RMDN1: variants seen among roughly 807,000 people sequenced by gnomAD.
The protein encoded by RMDN1 is regulator of microtubule dynamics protein 1.
In RMDN1, 48 loss-of-function variants were observed where a neutral mutation model predicts 48.9. That is an observed-to-expected ratio of 0.98 (90% confidence interval 0.78 to 1.25). The LOEUF (loss-of-function observed/expected upper bound fraction) is 1.25. Among genes scored for constraint, RMDN1 ranks in the 50% most tolerant of loss-of-function variants. The pLI is 0.00. For synonymous variants in RMDN1, 148 were observed against 132.6 expected, an observed-to-expected ratio of 1.12 and a Z score of -0.80; for missense variants, 418 against 373.4, an observed-to-expected ratio of 1.12 and a Z score of -0.98.
intron 5 of RMDN1, among the ~76,000 whole-genome samples, chr8:86,483,308 AT>A (rs1159022599): frequency 6.6e-6 from 1 of 152,192 alleles, no homozygotes; most frequent in Non-Finnish European, 1.5e-5. Context: ...GAAAGTATAC[AT>A]TTGTGTATTT....
intron 7 of RMDN1, 158 bp downstream of exon 7, chr8:86,478,765 G>C (rs1257695956): frequency 2.7e-5 from 18 of 673,042 alleles, no homozygotes; most frequent in Admixed American, 2.1e-4. Context: ...ACCAGTCAAG[G>C]ATAATAAGTG....
At chr8:86,504,055 C>G (rs1265589942) in intron 2 of RMDN1, 8 of 842,756 alleles carry the variant, frequency 9.5e-6, no homozygotes, top group Non-Finnish European at 1.5e-5. Flanking sequence ...TCTCAACCAG[C>G]TGGGCATCAT....
At position 86,507,069 on chromosome 8, in the gene RMDN1, G is replaced by C. The variant is rs371190357; in HGVS notation, c.173C>G (p.Ser58Ter). ...TTCAAAACCCAAATACGACAAAGCT[G>C]AGAGTAAAAGGCCTCTTTTGAAAGT... is the stretch of plus-strand genomic sequence containing the variant. ...PGTFKRGLLLSALSYLGFETY... is the reference protein window; with the variant it reads ...PGTFKRGLLL Residue 58 changes from serine (S) to a stop codon, truncating the protein, a stop_gained, in exon 2 of 10, where the codon TCA becomes TGA. Coordinates refer to ENST00000406452, the MANE Select transcript of RMDN1 (RefSeq NM_016033.3). LOFTEE classifies it high-confidence loss of function. 3.8e-5 allele frequency: 61 copies of C among 1,612,856 alleles called. No individual in the cohort carries two copies. The highest frequency in any genetic ancestry group is 5.0e-5 in the Non-Finnish European group (59 of 1,178,954).
At chr8:86,513,545 G>A (rs375623702), upstream of RMDN1, among the ~76,000 whole-genome samples, 2 of 152,320 alleles carry the variant, frequency 1.3e-5, no homozygotes, top group South Asian at 4.1e-4. Flanking sequence ...TTGTTTAGCT[G>A]CAGGCAGCAT....
intron 2 of RMDN1, among the ~76,000 whole-genome samples, chr8:86,491,376 T>A (rs1192820889): frequency 6.6e-6 from 1 of 152,102 alleles, no homozygotes; most frequent in Non-Finnish European, 1.5e-5. Context: ...CCTCGTGGTC[T>A]GCACTGCAAA....
intron 2 of RMDN1, among the ~76,000 whole-genome samples, chr8:86,505,730 G>T (rs1467508437): frequency 6.6e-6 from 1 of 152,178 alleles, no homozygotes; most frequent in African/African-American, 2.4e-5. Flanking sequence ...AGGTTATACA[G>T]TAGAAGATTT....
At chr8:86,504,994 A>C in intron 2 of RMDN1, 1 of 1,467,118 alleles carries the variant, frequency 6.8e-7, no homozygotes, top group Non-Finnish European at 9.4e-7. Flanking sequence ...CATGGTGCAG[A>C]TAGATCTGGG....
downstream of RMDN1, chr8:86,470,390 G>T (rs1352911489): frequency 7.8e-7 from 1 of 1,285,462 alleles, no homozygotes; most frequent in East Asian, 5.6e-5. Flanking sequence ...GGACCAATGT[G>T]ACACGTGGGG....
At position 86,474,920 on chromosome 8, in the gene RMDN1, A is replaced by C; in HGVS notation, c.794T>G (p.Leu265Arg). Residue 265 changes from leucine to arginine, a missense_variant, in exon 9 of 10, where the codon CTT becomes CGT. By Grantham distance (102) the Leu-to-Arg change is moderately radical. Transcript: ENST00000406452. ...DPNFYSKNLLLLGKTYLKLHN... is the reference protein window; with the variant it reads ...DPNFYSKNLLRLGKTYLKLHN... ...TAGTTTCAAGTATGTCTTTCCTAAA[A>C]GAAGTAAGTTTTTGCTGTAGAAGTT... The C allele has an allele frequency of 6.2e-7, 1 of 1,611,022 alleles. No homozygotes were observed. The highest frequency in any genetic ancestry group is 2.2e-5 in the East Asian group (1 of 44,774).
At chr8:86,496,215 C>T (rs1002774463) in intron 2 of RMDN1, among the ~76,000 whole-genome samples, 7 of 152,266 alleles carry the variant, frequency 4.6e-5, no homozygotes, top group South Asian at 4.1e-4. Flanking sequence ...AAGTTCATAG[C>T]GACACTGTAA....
At chr8:86,494,365 G>A (rs1490784190) in intron 2 of RMDN1, among the ~76,000 whole-genome samples, 2 of 152,058 alleles carry the variant, frequency 1.3e-5, no homozygotes, top group South Asian at 4.2e-4. Context: ...AGACCAGCCT[G>A]GCCAACATGG....
chr8:86,474,792 C>T, intron 9 of RMDN1, 28 bp downstream of exon 9: 1 of 1,593,868 alleles, frequency 6.3e-7, no homozygotes. Context: ...CAAAACCTTT[C>T]TGCCTTACTT....
chr8:86,503,394 A>ACAAAACAAAACAAAAC lies in RMDN1; in HGVS notation c.247+3600_247+3601insGTTTTGTTTTGTTTTG, dbSNP rs368931753. 3.1e-4 allele frequency among the ~76,000 whole-genome samples: 41 copies of ACAAAACAAAACAAAAC among 131,592 alleles called. 2 individuals are homozygous for ACAAAACAAAACAAAAC. Among genetic ancestry groups the ACAAAACAAAACAAAAC allele is most frequent in the Non-Finnish European group, 4.6e-4 (29 of 62,470 alleles). The allele number at this position is 131,592 out of a possible 152,430, so 86.3% of individuals were successfully genotyped here. A position where few individuals can be genotyped will look rare whatever the true frequency, so the allele number is the denominator to read the frequency against. On this transcript the variant is annotated intron_variant, in intron 2 of 9. Coordinates refer to ENST00000406452, the MANE Select transcript of RMDN1 (RefSeq NM_016033.3). ...AACAAAAAAAAAAAAAAAAAACAAA[A>ACAAAACAAAACAAAAC]AAAAATAACAAAAATAACTTGAGAG... is the stretch of plus-strand genomic sequence containing the variant.
intron 5 of RMDN1, 68 bp downstream of exon 5, chr8:86,484,804 T>C (rs1462142546): frequency 9.9e-7 from 1 of 1,005,476 alleles, no homozygotes; most frequent in African/African-American, 1.6e-5. Context: ...CAATAGATAA[T>C]GAAAACAAAA....
chr8:86,482,377 G>A (rs1814646032), intron 5 of RMDN1: 1 of 386,734 alleles, frequency 2.6e-6, no homozygotes, highest in South Asian at 2.2e-5. Flanking sequence ...ACCCCAGCCT[G>A]GGCAACAGAG....
At chr8:86,503,477 G>T in intron 2 of RMDN1, 1 of 198,560 alleles carries the variant, frequency 5.0e-6, no homozygotes, top group East Asian at 1.5e-4. Context: ...ACTCGTTTCT[G>T]AGAAGGACAT....
At chr8:86,475,223 A>C (rs191304206) in intron 8 of RMDN1, among the ~76,000 whole-genome samples, 1 of 152,216 alleles carries the variant, frequency 6.6e-6, no homozygotes, top group Non-Finnish European at 1.5e-5. Context: ...TCCATTTTAT[A>C]GATGAGAAGC....
intron 2 of RMDN1, among the ~76,000 whole-genome samples, chr8:86,496,837 A>T (rs189308732): frequency 6.6e-6 from 1 of 152,172 alleles, no homozygotes; most frequent in Non-Finnish European, 1.5e-5. Flanking sequence ...CAGAATGTAC[A>T]TTCTTCTCAC....
intron 2 of RMDN1, among the ~76,000 whole-genome samples, chr8:86,490,449 T>C (rs1816302455): frequency 6.6e-6 from 1 of 152,214 alleles, no homozygotes; most frequent in African/African-American, 2.4e-5. Context: ...GATGATTTGA[T>C]GGTGGTTCTG....
Sources: gnomAD v4.1 joint callset for allele counts (sites outside exome capture counted in the v4.1 genomes callset) on GRCh38, gnomAD v4.1.1 for gene constraint, MANE v1.5 for transcripts, NCBI Gene and HGNC (gene_info 2026-07-23, HGNC 2026-07-21) for gene names.